RAB11FIP3: variants seen among roughly 807,000 people sequenced by gnomAD.
The protein encoded by RAB11FIP3 is RAB11 family interacting protein 3.
In RAB11FIP3, 17 loss-of-function variants were observed where a neutral mutation model predicts 77.8. The observed-to-expected ratio is 0.22, with a 90% CI of 0.15 to 0.33. The LOEUF (loss-of-function observed/expected upper bound fraction) is 0.33, where lower values mean the gene tolerates loss of function less well. RAB11FIP3 is among the 10% of genes least tolerant of loss of function. The pLI, the probability that RAB11FIP3 is intolerant of heterozygous loss-of-function variation, is 1.00. For missense variants in RAB11FIP3, 1,005 were observed against 1,011.2 expected, an observed-to-expected ratio of 0.99 and a Z score of 0.08; for synonymous variants, 437 against 448.2, an observed-to-expected ratio of 0.98 and a Z score of 0.31.
intron 9 of RAB11FIP3, among the ~76,000 whole-genome samples, chr16:512,201 C>T (rs921112623): frequency 2.0e-5 from 3 of 149,818 alleles, no homozygotes; most frequent in Non-Finnish European, 3.0e-5. Flanking sequence ...GTCTAACCAA[C>T]GTATCCAGTC....
At chr16:480,260 G>A (rs1464502394) in intron 3 of RAB11FIP3, among the ~76,000 whole-genome samples, 1 of 123,098 alleles carries the variant, frequency 8.1e-6, no homozygotes, top group Non-Finnish European at 1.6e-5. Flanking sequence ...ACTCCAGCCT[G>A]GGCAGGAAGA....
chr16:515,534 C>T (rs1011504023), intron 9 of RAB11FIP3, among the ~76,000 whole-genome samples: 4 of 150,016 alleles, frequency 2.7e-5, no homozygotes, highest in Non-Finnish European at 5.9e-5. Flanking sequence ...CGACACGCAC[C>T]GGTGTTTGCA....
At chr16:516,162 T>C (rs1052143458) in intron 9 of RAB11FIP3, among the ~76,000 whole-genome samples, 1 of 152,336 alleles carries the variant, frequency 6.6e-6, no homozygotes, top group Admixed American at 6.5e-5. Context: ...AGTCCCCTCC[T>C]GGGTAGAGGA....
chr16:457,861 G>T (rs1323882970), intron 1 of RAB11FIP3, among the ~76,000 whole-genome samples: 2 of 152,198 alleles, frequency 1.3e-5, no homozygotes, highest in African/African-American at 4.8e-5. Context: ...TAACTCTCAG[G>T]TACCCAGCAA....
At position 522,540 on chromosome 16, in the gene RAB11FIP3, C is replaced by G. The variant is rs943488790; in HGVS notation, c.*1701C>G. 2 of 152,330 alleles carry G rather than the reference C, an allele frequency of 1.3e-5. No individual in the cohort carries two copies. Among genetic ancestry groups the G allele is most frequent in the African/African-American group, 4.8e-5 (2 of 41,446 alleles). 9.4% of individuals were successfully genotyped at this position (152,330 alleles called of 1,614,324 possible). On this transcript the variant is annotated 3_prime_UTR_variant, in exon 14 of 14. Coordinates refer to ENST00000262305, the MANE Select transcript of RAB11FIP3 (RefSeq NM_014700.4). ...CAGGGTGGGGTGGGAGTCTTCTGGG[C>G]CTGGCCCAGCTTCCCTCAAGGCGTC...
chr16:463,295 G>A (rs114708932), intron 2 of RAB11FIP3, among the ~76,000 whole-genome samples: 3,735 of 152,124 alleles, frequency 0.025, 160 homozygotes, highest in African/African-American at 0.085. Flanking sequence ...TGAGGGAGAC[G>A]GATGCCCTTG....
At chr16:470,979 CT>C (rs56315622) in intron 2 of RAB11FIP3, among the ~76,000 whole-genome samples, 25 of 147,678 alleles carry the variant, frequency 1.7e-4, no homozygotes, top group South Asian at 2.1e-4. Context: ...ATGTCTTGCT[CT>C]TTTTTTTTTT....
Position 505,147 on chromosome 16 carries a change from TC to T in RAB11FIP3, c.1396-374del, listed in dbSNP as rs2031803764. Among the ~76,000 whole-genome samples the T allele has an allele frequency of 6.6e-6, 1 of 151,622 alleles. No individual in the cohort carries two copies. The highest frequency in any genetic ancestry group is 1.5e-5 in the Non-Finnish European group (1 of 67,950). On this transcript the variant is annotated intron_variant, in intron 7 of 13. Coordinates refer to ENST00000262305, the MANE Select transcript of RAB11FIP3 (RefSeq NM_014700.4). The surrounding 1 kb of genome is among the most constrained non-coding windows in gnomAD (Gnocchi z 4.0). The stretch of plus-strand genomic sequence containing the variant: ...AGGGACCGAGACATGGATCTGTCTG[TC>T]CCTTGCATCCATGGGCACCTGGGCT...
Position 471,486 on chromosome 16 carries a change from G to T in RAB11FIP3, c.903+97G>T. ...GCCTCCTGCCTCCGGGCTGTCTTCCGTAGAAGCTGGCGTGAAGGAAGGGCC... is the reference window on the plus strand; with the variant it reads ...GCCTCCTGCCTCCGGGCTGTCTTCCTTAGAAGCTGGCGTGAAGGAAGGGCC... On this transcript the variant is annotated intron_variant, in intron 3 of 13. Transcript: ENST00000262305. This position sits in a 1 kb window ranked among gnomAD's most constrained non-coding sequence, Gnocchi z 4.4. 1 of 1,092,620 alleles carries T rather than the reference G, an allele frequency of 9.2e-7. No individual in the cohort carries two copies. Among genetic ancestry groups the T allele is most frequent in the South Asian group, 1.4e-5 (1 of 73,856 alleles). The allele number at this position is 1,092,620 out of a possible 1,614,324, so 67.7% of individuals were successfully genotyped here. A position where few individuals can be genotyped will look rare whatever the true frequency, so the allele number is the denominator to read the frequency against.
intron 5 of RAB11FIP3, among the ~76,000 whole-genome samples, chr16:492,414 C>CCCGT (rs1437407579): frequency 1.0e-5 from 1 of 97,072 alleles, no homozygotes; most frequent in African/African-American, 7.7e-5. Context: ...CCCGAGGCCG[C>CCCGT]CCAGGGCCCT....
intron 3 of RAB11FIP3, among the ~76,000 whole-genome samples, chr16:480,014 C>T (rs1189493348): frequency 1.3e-5 from 2 of 152,058 alleles, no homozygotes; most frequent in Non-Finnish European, 1.5e-5. Flanking sequence ...CAGCCAGGCA[C>T]GGTGGCTCAC....
chr16:503,812 G>A (rs1306695578), intron 7 of RAB11FIP3, among the ~76,000 whole-genome samples: 4 of 151,806 alleles, frequency 2.6e-5, no homozygotes, highest in Non-Finnish European at 5.9e-5. Context: ...CCTGGGAGGT[G>A]GAGGTTGCAG....
intron 1 of RAB11FIP3, among the ~76,000 whole-genome samples, chr16:438,509 A>AATT (rs1169671522): frequency 7.0e-6 from 1 of 142,258 alleles, no homozygotes; most frequent in African/African-American, 2.7e-5. Context: ...GGGTTCAAGT[A>AATT]ATTCTCCTGC....
rs74000601 is a variant in RAB11FIP3, at chr16:467,328, C to T, written c.809-3967C>T. On this transcript the variant is annotated intron_variant, in intron 2 of 13. Coordinates refer to ENST00000262305, the MANE Select transcript of RAB11FIP3 (RefSeq NM_014700.4). ...TCCTGAAGAGGATGGTGGGGCATCC[C>T]TGAGAGCTGGTGTGAGGGGTGGGAC... 5.8e-3 allele frequency among the ~76,000 whole-genome samples: 890 copies of T among 152,292 alleles called. 5 individuals are homozygous for T. Among genetic ancestry groups the T allele is most frequent in the African/African-American group, 0.02 (839 of 41,548 alleles).
intron 6 of RAB11FIP3, chr16:497,440 G>A: frequency 8.1e-7 from 1 of 1,238,726 alleles, no homozygotes; most frequent in Non-Finnish European, 1.0e-6. Flanking sequence ...GGCCTCTGCT[G>A]CCGTCAGAGT....
At chr16:491,454 T>G (rs1408913006) in intron 5 of RAB11FIP3, among the ~76,000 whole-genome samples, 1 of 151,490 alleles carries the variant, frequency 6.6e-6, no homozygotes, top group Non-Finnish European at 1.5e-5. Flanking sequence ...CTCCCCTGCA[T>G]GCGCAGCCCA....
At chr16:511,743 C>T (rs1463276558) in intron 9 of RAB11FIP3, among the ~76,000 whole-genome samples, 2 of 113,780 alleles carry the variant, frequency 1.8e-5, no homozygotes, top group Admixed American at 1.6e-4. Flanking sequence ...CTTGACAGAC[C>T]GCCCACCCCA....
At chr16:456,763 A>AAACAAAAAAACC (rs902779040) in intron 1 of RAB11FIP3, among the ~76,000 whole-genome samples, 3 of 152,220 alleles carry the variant, frequency 2.0e-5, no homozygotes, top group Non-Finnish European at 4.4e-5. Flanking sequence ...TCTCAACAAC[A>AAACAAAAAAACC]AACAAAAAAA....
rs139561710 is a variant in RAB11FIP3 at position 487,221 on chromosome 16, C to T, written c.1116-1630C>T. ...TCTCGGCTCACTGCCATCTCCGCCTCCCAGGTTCACACCATTCTCCTGTCT... is the reference window on the plus strand; with the variant it reads ...TCTCGGCTCACTGCCATCTCCGCCTTCCAGGTTCACACCATTCTCCTGTCT... On this transcript the variant is annotated intron_variant, in intron 4 of 13. Transcript: ENST00000262305. 9.3e-3 allele frequency among the ~76,000 whole-genome samples: 1,417 copies of T among 151,652 alleles called. 22 individuals carry two copies. Among genetic ancestry groups the T allele is most frequent in the African/African-American group, 0.033 (1,368 of 41,390 alleles).
Sources: allele counts gnomAD v4.1 joint callset (sites outside exome capture counted in the v4.1 genomes callset), GRCh38; gene constraint gnomAD v4.1.1; non-coding constraint Gnocchi (gnomAD v3.1); transcripts MANE v1.5; gene names NCBI Gene and HGNC (gene_info 2026-07-23, HGNC 2026-07-21).